TRAIP: variants seen among roughly 807,000 people sequenced by gnomAD.
TRAIP encodes E3 ubiquitin-protein ligase TRAIP.
In TRAIP, 37 loss-of-function variants were observed where a neutral mutation model predicts 65.0. The observed-to-expected ratio is 0.57, with a 90% CI of 0.44 to 0.75. The LOEUF (loss-of-function observed/expected upper bound fraction) is 0.75, where lower values mean the gene tolerates loss of function less well. Among genes scored for constraint, TRAIP ranks in the 30% least tolerant of loss-of-function variants. The pLI is 0.00. For synonymous variants in TRAIP, 187 were observed against 219.1 expected (o/e 0.85, Z 1.29); for missense variants, 481 against 579.4 (o/e 0.83, Z 1.74).
intron 1 of TRAIP, among the ~76,000 whole-genome samples, chr3:49,849,485 C>T (rs1211646205): frequency 1.3e-5 from 2 of 152,000 alleles, no homozygotes; most frequent in Non-Finnish European, 2.9e-5. Context: ...ATTAGCCGGA[C>T]GTGGTGGCAG....
At chr3:49,830,419 G>A (rs2081721636) in intron 11 of TRAIP, among the ~76,000 whole-genome samples, 1 of 152,204 alleles carries the variant, frequency 6.6e-6, no homozygotes, top group South Asian at 2.1e-4. Context: ...CCACCCACGG[G>A]AGGAAAGCCA....
intron 3 of TRAIP, among the ~76,000 whole-genome samples, chr3:49,847,239 G>A (rs990300366): frequency 2.2e-4 from 33 of 150,228 alleles, no homozygotes; most frequent in African/African-American, 5.2e-4. Flanking sequence ...AAAATTAACC[G>A]AGCATGGTGG....
intron 1 of TRAIP, among the ~76,000 whole-genome samples, chr3:49,855,435 C>T (rs753056502): frequency 2.6e-5 from 4 of 151,946 alleles, no homozygotes; most frequent in East Asian, 1.9e-4. Context: ...ACGACAGGAG[C>T]GAGACTCCAT....
intron 3 of TRAIP, among the ~76,000 whole-genome samples, chr3:49,846,870 C>A (rs2081887221): frequency 6.6e-6 from 1 of 152,154 alleles, no homozygotes; most frequent in Non-Finnish European, 1.5e-5. Flanking sequence ...AAGGCCCTAT[C>A]TCTATAAAAA....
intron 8 of TRAIP, 25 bp from the exon 9 acceptor site, chr3:49,840,398 A>G: frequency 1.2e-6 from 2 of 1,601,742 alleles, no homozygotes; most frequent in South Asian, 1.1e-5. Context: ...AGGGAATGAA[A>G]GACAAGCCAA....
At chr3:49,841,439 A>C (rs1020912129) in intron 7 of TRAIP, among the ~76,000 whole-genome samples, 2 of 152,250 alleles carry the variant, frequency 1.3e-5, no homozygotes, top group African/African-American at 4.8e-5. Flanking sequence ...AGAGTGAAGA[A>C]TATGAGTAGA....
rs1466321365 is a variant in TRAIP at position 49,847,413 on chromosome 3, AAG to A, written c.240+110_240+111del. On this transcript the variant is annotated intron_variant, in intron 3 of 14. Transcript: ENST00000331456. ...AAGAAAAGAAAAGAAAAGAAAAGAAAAGAGAAAAGAGAAGAGAAGAGAAGAGA... is the reference window on the plus strand; with the variant it reads ...AAGAAAAGAAAAGAAAAGAAAAGAAAAGAAAAGAGAAGAGAAGAGAAGAGA... 282 of 746,712 alleles carry A rather than the reference AAG, an allele frequency of 3.8e-4. 1 individual carries two copies. Among genetic ancestry groups the A allele is most frequent in the African/African-American group, 1.6e-3 (84 of 52,812 alleles). The allele number at this position is 746,712 out of a possible 1,614,324, so 46.3% of individuals were successfully genotyped here. A position where few individuals can be genotyped will look rare whatever the true frequency, so the allele number is the denominator to read the frequency against.
chr3:49,844,417 G>T, intron 4 of TRAIP, 124 bp downstream of exon 4: 5 of 1,042,832 alleles, frequency 4.8e-6, no homozygotes, highest in Non-Finnish European at 7.2e-6. Context: ...CAGGACTCTT[G>T]GACATACAAA....
chr3:49,841,920 T>G lies in TRAIP; in HGVS notation c.523A>C (p.Ser175Arg). The G allele has an allele frequency of 6.2e-7, 1 of 1,614,188 alleles. No homozygotes were observed. Among genetic ancestry groups the G allele is most frequent in the Admixed American group, 1.7e-5 (1 of 60,030 alleles). The part of the protein sequence containing the change: ...TMEQIELLLQ[S>R]QRPEVEEMIR... ...ATCTCCTCCACCTCAGGGCGCTGGC[T>G]CTGGAGTAGAAGCTCAATCCTGAAA... The change falls in exon 7 of 15, where the codon AGC (serine) becomes CGC (arginine). Residue 175 changes from serine to arginine, a missense_variant. By Grantham distance (110) the Ser-to-Arg change is moderately radical (BLOSUM62 -1). Transcript: ENST00000331456.
chr3:49,855,397 G>A (rs891437268), intron 1 of TRAIP, among the ~76,000 whole-genome samples: 3 of 151,700 alleles, frequency 2.0e-5, no homozygotes, highest in Admixed American at 1.3e-4. Context: ...GCAGTGAGCC[G>A]AGATCACGCC....
intron 2 of TRAIP, 82 bp downstream of exon 2, chr3:49,848,061 C>T: frequency 6.6e-7 from 1 of 1,505,860 alleles, no homozygotes; most frequent in Non-Finnish European, 9.2e-7. Flanking sequence ...AGAGATATTG[C>T]AGTTTCAGAG....
Position 49,838,986 on chromosome 3 carries a change from C to T in TRAIP, c.884+786G>A, listed in dbSNP as rs374917765. Among the ~76,000 whole-genome samples the T allele has an allele frequency of 4.4e-4, 66 of 151,536 alleles. 2 individuals carry two copies. Among genetic ancestry groups the T allele is most frequent in the African/African-American group, 1.5e-3 (61 of 41,274 alleles). On this transcript the variant is annotated intron_variant, in intron 10 of 14. Transcript: ENST00000331456. ...CAGGTGGCTCACGAGGTCAGGAGAT[C>T]GAGACCATCCTGGCCAACATGGTGA...
intron 7 of TRAIP, among the ~76,000 whole-genome samples, chr3:49,841,570 C>A (rs1306883776): frequency 6.6e-6 from 1 of 152,266 alleles, no homozygotes; most frequent in Non-Finnish European, 1.5e-5. Context: ...ACTTAAGATT[C>A]ACACTAAATC....
chr3:49,832,504 A>AAAG (rs2081743572), intron 10 of TRAIP, among the ~76,000 whole-genome samples: 1 of 151,378 alleles, frequency 6.6e-6, no homozygotes, highest in Non-Finnish European at 1.5e-5. Context: ...AAAAAAAAAA[A>AAAG]AAAAGTTTAA....
At chr3:49,847,451 G>T (rs1457297567) in intron 3 of TRAIP, 74 bp downstream of exon 3, 1 of 924,658 alleles carries the variant, frequency 1.1e-6, no homozygotes, top group South Asian at 1.6e-5. Flanking sequence ...AGAGAAAAAA[G>T]AAAAGAAAAG....
At position 49,829,504 on chromosome 3, in the gene TRAIP, C is replaced by T. The variant is rs745983030; in HGVS notation, c.1241G>A (p.Arg414Lys). 5 of 1,614,074 alleles carry T rather than the reference C, an allele frequency of 3.1e-6. No individual in the cohort carries two copies. The East Asian group carries it at 8.9e-5, about 29-fold the overall frequency. Residue 414 changes from arginine to lysine, a missense_variant, in exon 14 of 15, where the codon AGG becomes AAG. By Grantham distance (26) the Arg-to-Lys change is conservative. Coordinates refer to ENST00000331456, the MANE Select transcript of TRAIP (RefSeq NM_005879.3). ...SESSCSKDVV[R>K]TGFDGLGGRT... ...GCCACCGAGCCCATCGAAGCCTGTC[C>T]TTACCTAGGGTGGAAGGAAGAGATG...
At chr3:49,852,928 C>T (rs1266344535) in intron 1 of TRAIP, among the ~76,000 whole-genome samples, 2 of 151,766 alleles carry the variant, frequency 1.3e-5, no homozygotes, top group East Asian at 3.9e-4. Context: ...TCGAGACCAG[C>T]CTGGCCAACA....
chr3:49,842,565 C>T lies in TRAIP; in HGVS notation c.409-18G>A, dbSNP rs1180609834. On this transcript the variant is annotated intron_variant, in intron 5 of 14. Transcript: ENST00000331456. ...ATCTGCTTCTGAAGAGCAAATACACCCATACCTGATGCTTGGAGGCCCTCA... is the reference window on the plus strand; with the variant it reads ...ATCTGCTTCTGAAGAGCAAATACACTCATACCTGATGCTTGGAGGCCCTCA... The T allele has an allele frequency of 2.5e-6, 4 of 1,611,274 alleles. No homozygotes were observed. Among genetic ancestry groups the T allele is most frequent in the African/African-American group, 1.3e-5 (1 of 74,970 alleles).
intron 9 of TRAIP, 133 bp from the exon 10 acceptor site, chr3:49,839,993 A>C: frequency 1.1e-6 from 1 of 888,330 alleles, no homozygotes; most frequent in Non-Finnish European, 1.8e-6. Context: ...CCTCATCATT[A>C]GGCTCAGGAG....
Sources: allele counts gnomAD v4.1 joint callset (sites outside exome capture counted in the v4.1 genomes callset), GRCh38; gene constraint gnomAD v4.1.1; transcripts MANE v1.5; gene names NCBI Gene and HGNC (gene_info 2026-07-23, HGNC 2026-07-21).